The following IPCEF1 variants were observed in gnomAD, a reference collection of about 807,000 sequenced individuals.
IPCEF1 encodes interaction protein for cytohesin exchange factors 1, also known as interactor protein for cytohesin exchange factors 1.
Under a neutral mutation model 50.9 loss-of-function variants are expected in IPCEF1, and 31 were observed. That is an observed-to-expected ratio of 0.61 (90% CI 0.46 to 0.82). The LOEUF (loss-of-function observed/expected upper bound fraction) is 0.82. Among genes scored for constraint, IPCEF1 ranks in the 40% least tolerant of loss-of-function variants. The pLI is 0.00. For synonymous variants in IPCEF1, 181 were observed against 192.0 expected, an observed-to-expected ratio of 0.94 and a Z score of 0.47; for missense variants, 458 against 514.0, an observed-to-expected ratio of 0.89 and a Z score of 1.05.
chr6:154,251,932 C>T (rs945259103), intron 3 of IPCEF1, among the ~76,000 whole-genome samples: 1 of 152,066 alleles, frequency 6.6e-6, no homozygotes, highest in African/African-American at 2.4e-5. Context: ...CTAGCTGAAA[C>T]AATTGCAATA....
chr6:154,229,346 G>GTTT (rs34462600), intron 5 of IPCEF1, among the ~76,000 whole-genome samples: 17 of 112,640 alleles, frequency 1.5e-4, no homozygotes, highest in South Asian at 3.1e-4. Flanking sequence ...AAGTTTGCCG[G>GTTT]TTTTTTTTTT....
At chr6:154,274,129 C>T (rs1781981501) in intron 2 of IPCEF1, among the ~76,000 whole-genome samples, 1 of 151,372 alleles carries the variant, frequency 6.6e-6, no homozygotes. Flanking sequence ...AGAATATTCT[C>T]ATTCTTTCTC....
intron 2 of IPCEF1, among the ~76,000 whole-genome samples, chr6:154,273,704 T>TCCC (rs1781958112): frequency 1.3e-5 from 1 of 77,300 alleles, no homozygotes; most frequent in South Asian, 5.3e-4. Flanking sequence ...TTTTTTCTTT[T>TCCC]TTTCTTTCTT....
At chr6:154,339,884 G>T (rs192360278) in intron 1 of IPCEF1, among the ~76,000 whole-genome samples, 1 of 151,632 alleles carries the variant, frequency 6.6e-6, no homozygotes, top group Non-Finnish European at 1.5e-5. Flanking sequence ...GGCATGAGCC[G>T]CCGCTCCTGG....
At chr6:154,180,414 A>T (rs13196911) in intron 10 of IPCEF1, among the ~76,000 whole-genome samples, 20,150 of 64,244 alleles carry the variant, frequency 0.31, 1,726 homozygotes, top group East Asian at 0.51. Context: ...ATATATATAT[A>T]TTTTTTTTTT....
intron 9 of IPCEF1, among the ~76,000 whole-genome samples, chr6:154,211,611 A>T (rs1777972154): frequency 6.6e-6 from 1 of 152,196 alleles, no homozygotes; most frequent in Non-Finnish European, 1.5e-5. Flanking sequence ...CCAGTGGGAA[A>T]AAAAGGCACT....
At chr6:154,286,989 G>A (rs1056751269) in intron 2 of IPCEF1, among the ~76,000 whole-genome samples, 1 of 152,216 alleles carries the variant, frequency 6.6e-6, no homozygotes, top group African/African-American at 2.4e-5. Context: ...TCTCATGACA[G>A]TGAGTGAGTT....
Position 154,336,093 on chromosome 6 carries a change from G to T in IPCEF1, c.-62+20579C>A, listed in dbSNP as rs534067376. ...GGAAATGTAAATTAGTATAGCCACT[G>T]TGGAAAATAGTATGAAGATTTCTTT... On this transcript the variant is annotated intron_variant, in intron 1 of 11. Coordinates refer to ENST00000367220, the MANE Select transcript of IPCEF1 (RefSeq NM_001130700.2). 2.0e-4 allele frequency among the ~76,000 whole-genome samples: 30 copies of T among 152,318 alleles called. No homozygotes were observed. In the South Asian group the frequency reaches 3.9e-3, roughly 20 times the overall value.
chr6:154,197,504 T>A (rs1040822), intron 10 of IPCEF1, among the ~76,000 whole-genome samples: 2 of 152,050 alleles, frequency 1.3e-5, no homozygotes, highest in Non-Finnish European at 2.9e-5. Context: ...TTTCTTTTCC[T>A]TTTTACCAAG....
At chr6:154,210,183 G>A (rs549545274) in intron 9 of IPCEF1, among the ~76,000 whole-genome samples, 40 of 152,206 alleles carry the variant, frequency 2.6e-4, no homozygotes, top group African/African-American at 9.6e-4. Flanking sequence ...ATGGCTACTC[G>A]GTTGCTTTTA....
At chr6:154,225,633 C>T (rs1721225214) in intron 5 of IPCEF1, among the ~76,000 whole-genome samples, 1 of 152,086 alleles carries the variant, frequency 6.6e-6, no homozygotes, top group South Asian at 2.1e-4. Context: ...AAGGGGTTTC[C>T]TTTTGGGGTG....
At chr6:154,208,457 C>T (rs1389414140) in intron 9 of IPCEF1, among the ~76,000 whole-genome samples, 1 of 152,222 alleles carries the variant, frequency 6.6e-6, no homozygotes, top group Non-Finnish European at 1.5e-5. Flanking sequence ...TCCTGACTCA[C>T]TGGACTCCAC....
At chr6:154,307,695 T>A (rs549678886) in intron 1 of IPCEF1, among the ~76,000 whole-genome samples, 1 of 152,362 alleles carries the variant, frequency 6.6e-6, no homozygotes, top group African/African-American at 2.4e-5. Flanking sequence ...AGACAATTTA[T>A]TTAGATTTCG....
rs1356108024 is a variant in IPCEF1, at chr6:154,246,867, C to T, written c.77-107G>A. ...TGAAAGGCAACTTTTAATTGTTAAC[C>T]CCCCGGGGAGCTGGATTTTTCACCA... On this transcript the variant is annotated intron_variant, in intron 4 of 11. Transcript: ENST00000367220. 12 of 1,312,004 alleles carry T rather than the reference C, an allele frequency of 9.1e-6. No individual in the cohort carries two copies. The East Asian group carries it at 2.9e-4, about 32-fold the overall frequency. The allele number at this position is 1,312,004 out of a possible 1,614,324, so 81.3% of individuals were successfully genotyped here. A position where few individuals can be genotyped will look rare whatever the true frequency, so the allele number is the denominator to read the frequency against.
intron 4 of IPCEF1, 167 bp from the exon 5 acceptor site, chr6:154,246,927 A>C: frequency 1.9e-6 from 1 of 519,462 alleles, no homozygotes; most frequent in Non-Finnish European, 2.8e-6. Context: ...ACCTATGCAA[A>C]ACCAATGCAA....
At chr6:154,301,856 G>A (rs1291496947) in intron 1 of IPCEF1, among the ~76,000 whole-genome samples, 2 of 152,050 alleles carry the variant, frequency 1.3e-5, no homozygotes, top group African/African-American at 4.8e-5. Context: ...CTCTCAAAAG[G>A]TTAAAAAAAT....
chr6:154,154,914 C>G lies in IPCEF1; in HGVS notation c.*4914G>C, dbSNP rs932649737. On this transcript the variant is annotated 3_prime_UTR_variant, in exon 12 of 12. Transcript: ENST00000367220. ...GCAGTGCTAAAAGTCACATTCCCAT[C>G]ATGCAAGCACATTAAAATATATGGC... 10 of 152,498 alleles carry G rather than the reference C, an allele frequency of 6.6e-5. No homozygotes were observed. The East Asian group carries it at 1.7e-3, about 27-fold the overall frequency. 9.4% of individuals were successfully genotyped at this position (152,498 alleles called of 1,614,324 possible).
intron 9 of IPCEF1, among the ~76,000 whole-genome samples, chr6:154,211,183 G>C (rs1003919754): frequency 6.6e-6 from 1 of 152,090 alleles, no homozygotes; most frequent in Non-Finnish European, 1.5e-5. Flanking sequence ...TTGGGAGGCC[G>C]AGGCAGGCGG....
At chr6:154,235,448 T>C (rs1370338478) in intron 5 of IPCEF1, among the ~76,000 whole-genome samples, 2 of 150,582 alleles carry the variant, frequency 1.3e-5, no homozygotes, top group East Asian at 1.9e-4. Context: ...GGAGAATCAC[T>C]TGAACCCGGG....
Sources: gnomAD v4.1 joint callset for allele counts (sites outside exome capture counted in the v4.1 genomes callset) on GRCh38, gnomAD v4.1.1 for gene constraint, MANE v1.5 for transcripts, NCBI Gene and HGNC (gene_info 2026-07-23, HGNC 2026-07-21) for gene names.